Variants in SPATA31D1 observed in about 807,000 individuals in gnomAD.
The protein encoded by SPATA31D1 is SPATA31 subfamily D member 1.
Under a neutral mutation model 13.2 loss-of-function variants are expected in SPATA31D1, and 6 were observed. The observed-to-expected ratio is 0.46, with a 90% confidence interval of 0.25 to 0.90. SPATA31D1 has a LOEUF of 0.90. Among genes scored for constraint, SPATA31D1 ranks in the 40% least tolerant of loss-of-function variants. The pLI is 0.18. For missense variants in SPATA31D1, 2,445 were observed against 1,884.7 expected, an observed-to-expected ratio of 1.30 and a Z score of -5.50; for synonymous variants, 903 against 718.8, an observed-to-expected ratio of 1.26 and a Z score of -4.10.
rs767217256 is a variant in SPATA31D1 at position 81,992,795 on chromosome 9, C to T, written c.2325C>T (p.Tyr775=). The change falls in exon 4 of 4, where the codon TAC becomes TAT. Residue 775 remains tyrosine, a synonymous_variant. Transcript: ENST00000344803. ...SMENVGNYQG[Y]SQETVPKDHL... is the part of the protein sequence containing the mutation. The stretch of plus-strand genomic sequence containing the variant: ...AGAATGTGGGGAATTATCAGGGATA[C>T]AGCCAGGAGACTGTCCCAAAAGATC... The T allele has an allele frequency of 6.2e-7, 1 of 1,613,802 alleles. No homozygotes were observed. Among genetic ancestry groups the T allele is most frequent in the South Asian group, 1.1e-5 (1 of 91,082 alleles).
At position 81,990,122 on chromosome 9, in the gene SPATA31D1, C is replaced by G; in HGVS notation, c.233-295C>G. The G allele has an allele frequency of 5.7e-6, 3 of 522,254 alleles. No homozygotes were observed. The South Asian group carries it at 8.7e-5, about 15-fold the overall frequency. The allele number at this position is 522,254 out of a possible 1,614,324, so 32.4% of individuals were successfully genotyped here. A position where few individuals can be genotyped will look rare whatever the true frequency, so the allele number is the denominator to read the frequency against. On this transcript the variant is annotated intron_variant, in intron 2 of 3. Transcript: ENST00000344803. Reference sequence around the variant, plus strand: ...GGGCTTGGAGTCAGAGCTTCTGTCTCACAACTTTGCATACGTACTTTGACT... The same window carrying G: ...GGGCTTGGAGTCAGAGCTTCTGTCTGACAACTTTGCATACGTACTTTGACT...
rs751217858 is a variant in SPATA31D1 at position 81,990,965 on chromosome 9, G to T, written c.495G>T (p.Ala165=). Residue 165 remains alanine, a synonymous_variant, in exon 4 of 4, where the codon GCG becomes GCT. Transcript: ENST00000344803. ...CCCCTTTGGCTTCTTCGGCTTCTGC[G>T]ACTGAGTCATCGTTCACTCTGGCTT... The part of the protein sequence containing the change: ...SVSPLASSAS[A]TESSFTLAST... The T allele has an allele frequency of 6.2e-7, 1 of 1,613,786 alleles. No homozygotes were observed. Among genetic ancestry groups the T allele is most frequent in the Non-Finnish European group, 8.5e-7 (1 of 1,179,786 alleles).
rs762819842 is a variant in SPATA31D1, at chr9:81,994,582, A to G, written c.4112A>G (p.Gln1371Arg). Residue 1371 changes from glutamine (Q) to arginine (R), a missense_variant, in exon 4 of 4, where the codon CAA becomes CGA. Coordinates refer to ENST00000344803, the MANE Select transcript of SPATA31D1 (RefSeq NM_001001670.3). ...AAACCCAGCATATCATATGAAGAAC[A>G]AGAAAGTTCCTGGGAAAAGGGTAGC... ...FNKPSISYEE[Q>R]ESSWEKGSSL... 2 of 1,613,000 alleles carry G rather than the reference A, an allele frequency of 1.2e-6. No individual in the cohort carries two copies. Among genetic ancestry groups the G allele is most frequent in the East Asian group, 4.5e-5 (2 of 44,880 alleles).
chr9:81,992,835 C>G lies in SPATA31D1; in HGVS notation c.2365C>G (p.Pro789Ala). The G allele has an allele frequency of 6.2e-7, 1 of 1,613,754 alleles. No homozygotes were observed. Among genetic ancestry groups the G allele is most frequent in the South Asian group, 1.1e-5 (1 of 91,078 alleles). Residue 789 changes from proline to alanine, a missense_variant, in exon 4 of 4, where the codon CCG (proline) becomes GCG (alanine). Physicochemically the swap from Pro to Ala is conservative, Grantham distance 27. Transcript: ENST00000344803. ...CCCAAAAGATCACCTGTTGCATGGT[C>G]CGGAGACTTCTTCAGACAAGGATCT... Reference protein sequence around the residue: ...TVPKDHLLHGPETSSDKDLRS... With the variant: ...TVPKDHLLHGAETSSDKDLRS...
chr9:81,992,522 G>A lies in SPATA31D1; in HGVS notation c.2052G>A (p.Arg684=). 6.2e-7 allele frequency: 1 copy of A among 1,611,952 alleles called. No individual in the cohort carries two copies. Among genetic ancestry groups the A allele is most frequent in the African/African-American group, 1.3e-5 (1 of 74,996 alleles). ...ATTTTCCACTCAGCTCTGAGGTAAGGAAGAAACTAGAGCAACACATTCGAA... is the reference window on the plus strand; with the variant it reads ...ATTTTCCACTCAGCTCTGAGGTAAGAAAGAAACTAGAGCAACACATTCGAA... ...PGDFPLSSEV[R]KKLEQHIRRR... The change falls in exon 4 of 4, where the codon AGG becomes AGA. Residue 684 remains arginine, a synonymous_variant. Transcript: ENST00000344803.
rs1825021389 is a variant in SPATA31D1 at position 81,993,400 on chromosome 9, CA to C, written c.2932del (p.Ser978AlafsTer24). Reference protein sequence around the residue: ...STFQGEKLGTTSSVPILDRPH... With the variant: ...STFQGEKLGTXSSVPILDRPH... ...TTTCAAGGAGAAAAGTTGGGAACAA[CA>C]AGCTCAGTCCCCATCCTTGATCGTC... is the stretch of plus-strand genomic sequence containing the variant. On this transcript the variant is annotated frameshift_variant, in exon 4 of 4. Transcript: ENST00000344803. LOFTEE classifies it low-confidence loss of function (END_TRUNC). The C allele has an allele frequency of 6.2e-7, 1 of 1,613,878 alleles. No homozygotes were observed. Among genetic ancestry groups the C allele is most frequent in the African/African-American group, 1.3e-5 (1 of 74,908 alleles).
chr9:81,994,661 T>C lies in SPATA31D1; in HGVS notation c.4191T>C (p.Thr1397=). The C allele has an allele frequency of 1.2e-6, 2 of 1,613,552 alleles. No homozygotes were observed. The highest frequency in any genetic ancestry group is 1.7e-6 in the Non-Finnish European group (2 of 1,179,658). ...NIGRVIRAAF[T]GTTEAQKIRK... is the part of the protein sequence containing the mutation. ...GTCGAGTTATAAGAGCTGCCTTTAC[T>C]GGGACTACTGAAGCTCAGAAAATTA... Residue 1397 remains threonine, a synonymous_variant, in exon 4 of 4, where the codon ACT becomes ACC. Transcript: ENST00000344803.
chr9:81,989,806 A>G lies in SPATA31D1; in HGVS notation c.215A>G (p.Lys72Arg). 1 of 1,613,650 alleles carries G rather than the reference A, an allele frequency of 6.2e-7. No homozygotes were observed. The highest frequency in any genetic ancestry group is 8.5e-7 in the Non-Finnish European group (1 of 1,179,654). ...CAGGGCAGAGCCAAGAGGAGAAGGAAAGGTGGGACATTCAAAGGTAATGTC... is the reference window on the plus strand; with the variant it reads ...CAGGGCAGAGCCAAGAGGAGAAGGAGAGGTGGGACATTCAAAGGTAATGTC... The part of the protein sequence containing the change: ...KHQGRAKRRR[K>R]GGTFKGFPDW... Residue 72 changes from lysine to arginine, a missense_variant, in exon 2 of 4, where the codon AAA (lysine) becomes AGA (arginine). Lys to Arg is a conservative substitution (Grantham distance 26). Coordinates refer to ENST00000344803, the MANE Select transcript of SPATA31D1 (RefSeq NM_001001670.3).
intron 2 of SPATA31D1, 197 bp from the exon 3 acceptor site, chr9:81,990,220 A>T: frequency 1.8e-6 from 1 of 545,940 alleles, no homozygotes; most frequent in Non-Finnish European, 3.2e-6. Flanking sequence ...TGAGCATCAC[A>T]TGGGGTAATG....
In SPATA31D1 at chr9:81,992,780, G is replaced by T. The variant is rs183138674; in HGVS notation, c.2310G>T (p.Gly770=). The T allele has an allele frequency of 6.2e-7, 1 of 1,613,794 alleles. No homozygotes were observed. Among genetic ancestry groups the T allele is most frequent in the South Asian group, 1.1e-5 (1 of 91,074 alleles). Residue 770 remains glycine (G), a synonymous_variant, in exon 4 of 4, where the codon GGG becomes GGT. Transcript: ENST00000344803. ...SSNMLSMENV[G]NYQGYSQETV... is the part of the protein sequence containing the mutation. ...ATATGCTTTCCATGGAGAATGTGGG[G>T]AATTATCAGGGATACAGCCAGGAGA...
Position 81,992,193 on chromosome 9 carries a change from C to T in SPATA31D1, c.1723C>T (p.Leu575Phe), listed in dbSNP as rs752368253. ...QTLPQGQSPH[L>F]TQVKSLAQPQ... The stretch of plus-strand genomic sequence containing the variant: ...CCTGCCCCAAGGTCAGTCCCCACAT[C>T]TCACTCAGGTGAAGTCCCTGGCTCA... The change falls in exon 4 of 4, where the codon CTC becomes TTC. Residue 575 changes from leucine (L) to phenylalanine (F), a missense_variant. Leu to Phe is a conservative substitution (Grantham distance 22, BLOSUM62 0). Transcript: ENST00000344803. The T allele has an allele frequency of 1.5e-5, 25 of 1,613,804 alleles. No individual in the cohort carries two copies. The highest frequency in any genetic ancestry group is 1.1e-4 in the African/African-American group (8 of 75,036).
In SPATA31D1 at chr9:81,991,944, T is replaced by C. The variant is rs115088274; in HGVS notation, c.1474T>C (p.Phe492Leu). The C allele has an allele frequency of 3.6e-3, 5,828 of 1,613,772 alleles. 178 individuals carry two copies. In the African/African-American group the frequency reaches 0.069, roughly 19 times the overall value. The change falls in exon 4 of 4, where the codon TTT becomes CTT. Residue 492 changes from phenylalanine (F) to leucine (L), a missense_variant. Coordinates refer to ENST00000344803, the MANE Select transcript of SPATA31D1 (RefSeq NM_001001670.3). ...IHQQPPHSKC[F>L]EDHLEQKYVQ... Reference sequence around the variant, plus strand: ...TCAGCAGCCTCCACACTCTAAATGCTTTGAAGACCATTTAGAGCAAAAATA... The same window carrying C: ...TCAGCAGCCTCCACACTCTAAATGCCTTGAAGACCATTTAGAGCAAAAATA...
In SPATA31D1 at chr9:81,992,256, C is replaced by T. The variant is rs765628606; in HGVS notation, c.1786C>T (p.Leu596=). The change falls in exon 4 of 4, where the codon CTA becomes TTA. Residue 596 remains leucine (L), a synonymous_variant. Transcript: ENST00000344803. ...ATTCCGAGCCCTACTACCTAGTCCT[C>T]TATTCCTGATTAGGATCTGTGGAGT... ...SPFRALLPSP[L]FLIRICGVCF... The T allele has an allele frequency of 6.2e-7, 1 of 1,613,788 alleles. No homozygotes were observed. Among genetic ancestry groups the T allele is most frequent in the South Asian group, 1.1e-5 (1 of 91,076 alleles).
intron 2 of SPATA31D1, chr9:81,990,117 T>A (rs1587527090): frequency 1.9e-6 from 1 of 522,774 alleles, no homozygotes; most frequent in East Asian, 3.1e-5. Flanking sequence ...TCAGAGCTTC[T>A]GTCTCACAAC....
At position 81,993,503 on chromosome 9, in the gene SPATA31D1, C is replaced by A. The variant is rs756558746; in HGVS notation, c.3033C>A (p.Asp1011Glu). 6.2e-7 allele frequency: 1 copy of A among 1,613,280 alleles called. No individual in the cohort carries two copies. The highest frequency in any genetic ancestry group is 1.1e-5 in the South Asian group (1 of 91,032). ...LRRQFSDTDH[D>E]LIETDSKDGA... The stretch of plus-strand genomic sequence containing the variant: ...GACAATTTTCTGATACTGACCATGA[C>A]CTTATAGAGACAGATTCCAAAGACG... The change falls in exon 4 of 4, where the codon GAC (aspartate) becomes GAA (glutamate). Residue 1011 changes from aspartate to glutamate, a missense_variant. Asp to Glu is a conservative substitution (Grantham distance 45). Coordinates refer to ENST00000344803, the MANE Select transcript of SPATA31D1 (RefSeq NM_001001670.3).
rs1825004921 is a variant in SPATA31D1, at chr9:81,992,849, A to C, written c.2379A>C (p.Ser793=). 1 of 1,613,690 alleles carries C rather than the reference A, an allele frequency of 6.2e-7. No homozygotes were observed. The highest frequency in any genetic ancestry group is 1.3e-5 in the African/African-American group (1 of 74,936). ...DHLLHGPETS[S]DKDLRSNSER... is the part of the protein sequence containing the mutation. Reference sequence around the variant, plus strand: ...TGTTGCATGGTCCGGAGACTTCTTCAGACAAGGATCTGAGGTCTAACTCTG... The same window carrying C: ...TGTTGCATGGTCCGGAGACTTCTTCCGACAAGGATCTGAGGTCTAACTCTG... The change falls in exon 4 of 4, where the codon TCA becomes TCC. Residue 793 remains serine (S), a synonymous_variant. Coordinates refer to ENST00000344803, the MANE Select transcript of SPATA31D1 (RefSeq NM_001001670.3).
rs1004480271 is a variant in SPATA31D1 at position 81,992,863 on chromosome 9, G to C, written c.2393G>C (p.Arg798Thr). 33 of 1,613,704 alleles carry C rather than the reference G, an allele frequency of 2.0e-5. 1 individual carries two copies. ...GAGACTTCTTCAGACAAGGATCTGA[G>C]GTCTAACTCTGAGAGAGACCTAGAA... ...GPETSSDKDLRSNSERDLETH... is the reference protein window; with the variant it reads ...GPETSSDKDLTSNSERDLETH... Residue 798 changes from arginine to threonine, a missense_variant, in exon 4 of 4, where the codon AGG becomes ACG. Arg to Thr is a moderately conservative substitution (Grantham distance 71). Coordinates refer to ENST00000344803, the MANE Select transcript of SPATA31D1 (RefSeq NM_001001670.3).
Position 81,993,044 on chromosome 9 carries a change from G to T in SPATA31D1, c.2574G>T (p.Lys858Asn), listed in dbSNP as rs758284801. 17 of 1,613,666 alleles carry T rather than the reference G, an allele frequency of 1.1e-5. No homozygotes were observed. In the Admixed American group the frequency reaches 2.7e-4, roughly 25 times the overall value. ...GTVHSSWHSV[K>N]QTMSLPEKSH... ...TGCATAGTTCATGGCACTCAGTCAA[G>T]CAGACAATGTCTCTTCCTGAGAAAT... Residue 858 changes from lysine to asparagine, a missense_variant, in exon 4 of 4, where the codon AAG becomes AAT. Coordinates refer to ENST00000344803, the MANE Select transcript of SPATA31D1 (RefSeq NM_001001670.3).
chr9:81,994,722 G>A lies in SPATA31D1; in HGVS notation c.4252G>A (p.Gly1418Arg), dbSNP rs1825061656. ...TAGGGAGTTCCTAGAAGAGAAGCTG[G>A]GGCATAGGCATGGGATAGATATCAC... is the stretch of plus-strand genomic sequence containing the variant. The part of the protein sequence containing the change: ...DTREFLEEKL[G>R]HRHGIDITCP... The change falls in exon 4 of 4, where the codon GGG becomes AGG. Residue 1418 changes from glycine (G) to arginine (R), a missense_variant. Physicochemically the swap from Gly to Arg is moderately radical, Grantham distance 125. Transcript: ENST00000344803. 6.2e-7 allele frequency: 1 copy of A among 1,613,680 alleles called. No homozygotes were observed. Among genetic ancestry groups the A allele is most frequent in the South Asian group, 1.1e-5 (1 of 91,064 alleles).
Sources: allele counts gnomAD v4.1 joint callset, GRCh38; gene constraint gnomAD v4.1.1; transcripts MANE v1.5; gene names NCBI Gene and HGNC (gene_info 2026-07-23, HGNC 2026-07-21).